Variants in ATG2B observed in about 807,000 individuals in gnomAD.
ATG2B encodes autophagy-related protein 2 homolog B.
Under a neutral mutation model 241.3 loss-of-function variants are expected in ATG2B, and 121 were observed. The observed-to-expected ratio is 0.50, with a 90% confidence interval of 0.43 to 0.58. The LOEUF is 0.58. Among genes scored for constraint, ATG2B ranks in the 20% least tolerant of loss-of-function variants. The pLI is 0.00. For synonymous variants in ATG2B, 858 were observed against 876.6 expected (o/e 0.98, Z 0.37); for missense variants, 2,306 against 2,491.6 (o/e 0.93, Z 1.59).
At position 96,328,297 on chromosome 14, in the gene ATG2B, T is replaced by C. The variant is rs1378173658; in HGVS notation, c.2163+50A>G. ...AGTTCAGAAATTATCTCAATAACCC[T>C]ATTAGCTAACCATAATTATGATTAG... On this transcript the variant is annotated intron_variant, in intron 14 of 41. Coordinates refer to ENST00000359933, the MANE Select transcript of ATG2B (RefSeq NM_018036.7). 8.3e-6 allele frequency: 11 copies of C among 1,318,012 alleles called. No individual in the cohort carries two copies. The African/African-American group carries it at 1.2e-4, about 14-fold the overall frequency. The allele number at this position is 1,318,012 out of a possible 1,614,324, so 81.6% of individuals were successfully genotyped here.
In ATG2B at chr14:96,279,648, G is replaced by A. The variant is rs1043463327; in HGVS notation, c.*6107C>T. On this transcript the variant is annotated 3_prime_UTR_variant, in exon 42 of 42. Coordinates refer to ENST00000359933, the MANE Select transcript of ATG2B (RefSeq NM_018036.7). ...CCAGGCTGCCTGAAGTGGAGCCTCC[G>A]GGCTGAGACAGCAGGAGCAGCCAGA... is the stretch of plus-strand genomic sequence containing the variant. The A allele has an allele frequency of 1.3e-5, 2 of 152,158 alleles. No individual in the cohort carries two copies. Among genetic ancestry groups the A allele is most frequent in the African/African-American group, 2.4e-5 (1 of 41,390 alleles). 9.4% of individuals were successfully genotyped at this position (152,158 alleles called of 1,614,324 possible).
chr14:96,291,822 T>C (rs1486692047), intron 37 of ATG2B, 140 bp from the exon 38 acceptor site: 6 of 660,264 alleles, frequency 9.1e-6, no homozygotes, highest in Non-Finnish European at 1.5e-5. Flanking sequence ...AAAATATATA[T>C]CTTACAATAC....
intron 21 of ATG2B, among the ~76,000 whole-genome samples, chr14:96,316,011 T>TA (rs1364288448): frequency 6.6e-6 from 1 of 152,178 alleles, no homozygotes; most frequent in Non-Finnish European, 1.5e-5. Context: ...TATTTGGCAA[T>TA]AAAAAGGAAT....
At chr14:96,347,089 A>G (rs1333790904) in intron 2 of ATG2B, 90 bp downstream of exon 2, 2 of 1,209,110 alleles carry the variant, frequency 1.7e-6, no homozygotes, top group Non-Finnish European at 2.2e-6. Context: ...ACAAATACAA[A>G]GCAAAAATAC....
Position 96,347,234 on chromosome 14 carries a change from A to G in ATG2B, c.270T>C (p.Asn90=), listed in dbSNP as rs373081222. The stretch of plus-strand genomic sequence containing the variant: ...CTAATCCTCTCACTTCCAGTGCACA[A>G]TTATCCTGCAGTAAAGAGCCCCATG... The part of the protein sequence containing the change: ...SVPWGSLLQD[N]CALEVRGLEM... Residue 90 remains asparagine, a synonymous_variant, in exon 2 of 42, where the codon AAT becomes AAC. Coordinates refer to ENST00000359933, the MANE Select transcript of ATG2B (RefSeq NM_018036.7). 1.5e-5 allele frequency: 24 copies of G among 1,610,822 alleles called. No individual in the cohort carries two copies. In the African/African-American group the frequency reaches 2.8e-4, roughly 19 times the overall value.
At chr14:96,331,325 T>G in intron 11 of ATG2B, 51 bp downstream of exon 11, 1 of 1,517,280 alleles carries the variant, frequency 6.6e-7, no homozygotes, top group Non-Finnish European at 8.9e-7. Context: ...TCAAGGATCA[T>G]TAGCATATGT....
At chr14:96,329,785 A>T (rs1887684095) in intron 11 of ATG2B, 151 bp from the exon 12 acceptor site, 1 of 531,136 alleles carries the variant, frequency 1.9e-6, no homozygotes, top group Non-Finnish European at 3.2e-6. Context: ...TAAGATAAAA[A>T]ATCAGTTCTG....
intron 34 of ATG2B, among the ~76,000 whole-genome samples, chr14:96,300,059 T>C (rs1482584693): frequency 6.6e-6 from 1 of 152,220 alleles, no homozygotes; most frequent in Non-Finnish European, 1.5e-5. Flanking sequence ...TGTGGCTTTG[T>C]TTTCCTAGCT....
Position 96,281,441 on chromosome 14 carries a change from T to C in ATG2B, c.*4314A>G, listed in dbSNP as rs1886196006. The C allele has an allele frequency of 6.6e-6, 1 of 152,212 alleles. No homozygotes were observed. Among genetic ancestry groups the C allele is most frequent in the Admixed American group, 6.5e-5 (1 of 15,282 alleles). The allele number at this position is 152,212 out of a possible 1,614,324, so 9.4% of individuals were successfully genotyped here. On this transcript the variant is annotated 3_prime_UTR_variant, in exon 42 of 42. Coordinates refer to ENST00000359933, the MANE Select transcript of ATG2B (RefSeq NM_018036.7). ...ACTTAGCAAAGACAGTCAATACACA[T>C]GTTCTTTTACTTGTGGTGAGATAAA...
chr14:96,347,693 A>G (rs1193917611), intron 1 of ATG2B, among the ~76,000 whole-genome samples: 2 of 152,264 alleles, frequency 1.3e-5, no homozygotes, highest in Non-Finnish European at 2.9e-5. Flanking sequence ...GACATTCCTC[A>G]AAAGAAGACA....
rs1455192278 is a variant in ATG2B, at chr14:96,331,485, C to T, written c.1621G>A (p.Val541Ile). The T allele has an allele frequency of 2.5e-6, 4 of 1,614,032 alleles. No individual in the cohort carries two copies. The South Asian group carries it at 4.4e-5, about 18-fold the overall frequency. The change falls in exon 11 of 42, where the codon GTA becomes ATA. Residue 541 changes from valine (V) to isoleucine (I), a missense_variant. Physicochemically the swap from Val to Ile is conservative, Grantham distance 29. Transcript: ENST00000359933. ...TTTTCTATACAAGTAAAGAAAGCTA[C>T]TGCCATAGGTGTCAATGGATTAAGG... The part of the protein sequence containing the change: ...QNLNPLTPMA[V>I]AFFTCIEKID...
rs373394447 is a variant in ATG2B, at chr14:96,333,880, G to C, written c.1022-7C>G. The C allele has an allele frequency of 3.7e-6, 6 of 1,610,680 alleles. No homozygotes were observed. In the African/African-American group the frequency reaches 8.0e-5, roughly 22 times the overall value. ...CCTATTTTGCTAGAATTTTCTATAA[G>C]CATACAAAAGGAAACCAAAACAGTA... On this transcript the variant is annotated splice_region_variant and splice_polypyrimidine_tract_variant and intron_variant, in intron 7 of 41. Transcript: ENST00000359933.
chr14:96,294,890 C>T, intron 36 of ATG2B, 70 bp downstream of exon 36: 1 of 1,367,568 alleles, frequency 7.3e-7, no homozygotes, highest in Non-Finnish European at 1.0e-6. Context: ...ATTACCAGCA[C>T]ACATACATCA....
At position 96,279,484 on chromosome 14, in the gene ATG2B, C is replaced by G. The variant is rs1886139543; in HGVS notation, c.*6271G>C. The G allele has an allele frequency of 6.6e-6, 1 of 152,270 alleles. No homozygotes were observed. Among genetic ancestry groups the G allele is most frequent in the African/African-American group, 2.4e-5 (1 of 41,458 alleles). 9.4% of individuals were successfully genotyped at this position (152,270 alleles called of 1,614,324 possible). On this transcript the variant is annotated 3_prime_UTR_variant, in exon 42 of 42. Coordinates refer to ENST00000359933, the MANE Select transcript of ATG2B (RefSeq NM_018036.7). ...AGGCACTGTGCTAGGCACCGGGTCC[C>G]TAAGTCCCTTGCCCTCCTGAAGGAA...
Position 96,322,579 on chromosome 14 carries a change from A to T in ATG2B, c.2697T>A (p.Ser899=). 6.2e-7 allele frequency: 1 copy of T among 1,613,180 alleles called. No individual in the cohort carries two copies. The highest frequency in any genetic ancestry group is 1.1e-5 in the South Asian group (1 of 90,996). Residue 899 remains serine (S), a synonymous_variant, in exon 17 of 42, where the codon TCT becomes TCA. Transcript: ENST00000359933. The part of the protein sequence containing the change: ...DVCDLRRPAP[S]PFSSRRVMFE... ...ACATTACTCTACGAGAAGAAAAAGGAGATGGGGCTGGTCTTCTTAGATCAC... is the reference window on the plus strand; with the variant it reads ...ACATTACTCTACGAGAAGAAAAAGGTGATGGGGCTGGTCTTCTTAGATCAC...
intron 1 of ATG2B, among the ~76,000 whole-genome samples, chr14:96,362,319 T>C (rs1418487347): frequency 6.6e-6 from 1 of 152,160 alleles, no homozygotes. Flanking sequence ...CCTAACTTTC[T>C]TCCAGATGGC....
intron 1 of ATG2B, among the ~76,000 whole-genome samples, chr14:96,349,194 A>G (rs147928575): frequency 0.011 from 1,681 of 152,332 alleles, 32 homozygotes; most frequent in African/African-American, 0.036. Flanking sequence ...GGAAGGATTC[A>G]AAGAAAGCAG....
chr14:96,321,140 A>G (rs1429099007), intron 18 of ATG2B, among the ~76,000 whole-genome samples: 3 of 152,156 alleles, frequency 2.0e-5, no homozygotes, highest in African/African-American at 4.8e-5. Context: ...TAATTTTCTG[A>G]TTCTAAGAGC....
Position 96,279,733 on chromosome 14 carries a change from A to G in ATG2B, c.*6022T>C, listed in dbSNP as rs1043848548. 2.0e-5 allele frequency: 3 copies of G among 152,306 alleles called. No homozygotes were observed. In the East Asian group the frequency reaches 5.8e-4, roughly 29 times the overall value. The allele number at this position is 152,306 out of a possible 1,614,324, so 9.4% of individuals were successfully genotyped here. The stretch of plus-strand genomic sequence containing the variant: ...AGCGCGTTCTTGCCCCAGGCTGTGC[A>G]TGATTTTCCCCAGGAGAGCTCTTAG... On this transcript the variant is annotated 3_prime_UTR_variant, in exon 42 of 42. Coordinates refer to ENST00000359933, the MANE Select transcript of ATG2B (RefSeq NM_018036.7).
Sources: gnomAD v4.1 joint callset for allele counts (sites outside exome capture counted in the v4.1 genomes callset) on GRCh38, gnomAD v4.1.1 for gene constraint, MANE v1.5 for transcripts, NCBI Gene and HGNC (gene_info 2026-07-23, HGNC 2026-07-21) for gene names.